The following TMEFF2 variants were observed in gnomAD, a reference collection of about 807,000 sequenced individuals.
TMEFF2 encodes transmembrane protein with EGF like and two follistatin like domains 2, also known as tomoregulin-2.
In TMEFF2, 28 loss-of-function variants were observed where a neutral mutation model predicts 53.8. The ratio of observed to expected loss-of-function variants is 0.52; its 90% CI spans 0.39 to 0.71. The LOEUF (loss-of-function observed/expected upper bound fraction) is 0.71. TMEFF2 is among the 30% of genes least tolerant of loss of function. The pLI is 0.00. For missense variants in TMEFF2, 353 were observed against 455.2 expected, an observed-to-expected ratio of 0.78 and a Z score of 2.04; for synonymous variants, 162 against 166.3, an observed-to-expected ratio of 0.97 and a Z score of 0.20.
In TMEFF2 at chr2:192,150,880, A is replaced by T. The variant is rs1317551496; in HGVS notation, c.439+28788T>A. Among the ~76,000 whole-genome samples, 6 of 151,876 alleles carry T rather than the reference A, an allele frequency of 4.0e-5. No individual in the cohort carries two copies. In the East Asian group the frequency reaches 9.7e-4, roughly 25 times the overall value. On this transcript the variant is annotated intron_variant, in intron 4 of 9. Coordinates refer to ENST00000272771, the MANE Select transcript of TMEFF2 (RefSeq NM_016192.4). The stretch of plus-strand genomic sequence containing the variant: ...GGAGATGAGGTGGGTCACACATTTC[A>T]TATGAGTTTTTCTCCCTTAGAAAGG...
intron 4 of TMEFF2, among the ~76,000 whole-genome samples, chr2:192,125,799 C>T (rs1689662287): frequency 6.6e-6 from 1 of 152,116 alleles, no homozygotes; most frequent in African/African-American, 2.4e-5. Context: ...TACATGTTCT[C>T]AATTATAAGT....
Position 192,194,640 on chromosome 2 carries a change from T to A in TMEFF2, c.-116A>T. ...ACGGCGGCAGCAGAGGCGGCGGCGG[T>A]GGCAGTGGCACCCGGCGGGGAAGCA... On this transcript the variant is annotated 5_prime_UTR_variant, in exon 1 of 10. Transcript: ENST00000272771. This position sits in a 1 kb window ranked among gnomAD's most constrained non-coding sequence, Gnocchi z 4.2. 8.4e-7 allele frequency: 1 copy of A among 1,186,144 alleles called. No individual in the cohort carries two copies. The highest frequency in any genetic ancestry group is 1.2e-6 in the Non-Finnish European group (1 of 839,204). 73.5% of individuals were successfully genotyped at this position (1,186,144 alleles called of 1,614,324 possible).
chr2:192,018,074 A>G (rs992012531), intron 5 of TMEFF2, among the ~76,000 whole-genome samples: 2 of 152,184 alleles, frequency 1.3e-5, no homozygotes, highest in African/African-American at 2.4e-5. Flanking sequence ...ATGGAGTCAC[A>G]GCAAGAGATT....
At chr2:192,031,380 G>A (rs953240108) in intron 5 of TMEFF2, 6 of 152,142 alleles carry the variant, frequency 3.9e-5, no homozygotes, top group Admixed American at 2.6e-4. Flanking sequence ...GTCAGTGAAT[G>A]TGTTATATAA....
At chr2:192,076,420 T>G (rs1257970297) in intron 4 of TMEFF2, among the ~76,000 whole-genome samples, 1 of 152,096 alleles carries the variant, frequency 6.6e-6, no homozygotes, top group Non-Finnish European at 1.5e-5. Flanking sequence ...TAGAATGCCA[T>G]GAGAGAATCG....
At chr2:191,980,844 C>A (rs376901354) in intron 7 of TMEFF2, among the ~76,000 whole-genome samples, 71 of 152,246 alleles carry the variant, frequency 4.7e-4, no homozygotes, top group African/African-American at 1.7e-3. Flanking sequence ...TCTAGGCAGC[C>A]AGATGAACCA....
rs202034863 is a variant in TMEFF2 at position 192,166,339 on chromosome 2, CT to C, written c.439+13328del. Among the ~76,000 whole-genome samples, 868 of 152,230 alleles carry C rather than the reference CT, an allele frequency of 5.7e-3. 8 individuals carry two copies. The highest frequency in any genetic ancestry group is 0.019 in the African/African-American group (807 of 41,554). Reference sequence around the variant, plus strand: ...GCCATACCATGGCAGCCTCAAAACTCTTTATGACTTTCTTCTTTGAAATGTA... The same window carrying C: ...GCCATACCATGGCAGCCTCAAAACTCTTATGACTTTCTTCTTTGAAATGTA... On this transcript the variant is annotated intron_variant, in intron 4 of 9. Coordinates refer to ENST00000272771, the MANE Select transcript of TMEFF2 (RefSeq NM_016192.4).
At position 192,141,884 on chromosome 2, in the gene TMEFF2, CTT is replaced by C. The variant is rs531622397; in HGVS notation, c.439+37782_439+37783del. 5.3e-5 allele frequency among the ~76,000 whole-genome samples: 8 copies of C among 152,230 alleles called. No individual in the cohort carries two copies. The East Asian group carries it at 1.5e-3, about 29-fold the overall frequency. ...TATTCCAGGGCACTAGGTTGAGGCT[CTT>C]TACAAATAACATCTCCTTCAATCCT... On this transcript the variant is annotated intron_variant, in intron 4 of 9. Coordinates refer to ENST00000272771, the MANE Select transcript of TMEFF2 (RefSeq NM_016192.4).
intron 2 of TMEFF2, 139 bp downstream of exon 2, chr2:192,191,741 C>T: frequency 3.4e-6 from 2 of 593,564 alleles, no homozygotes; most frequent in East Asian, 5.7e-5. Flanking sequence ...AGTTGGCTCT[C>T]TTGCTAGTAC....
intron 4 of TMEFF2, among the ~76,000 whole-genome samples, chr2:192,078,221 C>G (rs1230690890): frequency 1.3e-5 from 2 of 152,142 alleles, no homozygotes; most frequent in Non-Finnish European, 2.9e-5. Context: ...CAGTAAAACT[C>G]TGAGCCTTAG....
intron 1 of TMEFF2, among the ~76,000 whole-genome samples, chr2:192,193,330 C>T (rs1342429136): frequency 6.6e-6 from 1 of 152,244 alleles, no homozygotes; most frequent in African/African-American, 2.4e-5. Context: ...CACCACAATT[C>T]TGCCCAGTAT....
At chr2:192,019,446 C>A (rs1342188959) in intron 5 of TMEFF2, among the ~76,000 whole-genome samples, 2 of 151,964 alleles carry the variant, frequency 1.3e-5, no homozygotes, top group African/African-American at 4.8e-5. Flanking sequence ...AATAAAGCCA[C>A]ATTGCATACC....
intron 5 of TMEFF2, among the ~76,000 whole-genome samples, chr2:192,021,194 A>G (rs1040333318): frequency 1.3e-5 from 2 of 152,098 alleles, no homozygotes; most frequent in South Asian, 2.1e-4. Context: ...TACTTACTCA[A>G]TTTTCTTTGA....
intron 7 of TMEFF2, among the ~76,000 whole-genome samples, chr2:191,974,616 A>G (rs1158152134): frequency 1.3e-5 from 2 of 152,140 alleles, no homozygotes; most frequent in Non-Finnish European, 2.9e-5. Context: ...TTTACTATGT[A>G]TATATTTTGG....
chr2:192,074,354 G>T (rs558757840), intron 4 of TMEFF2, among the ~76,000 whole-genome samples: 1 of 151,960 alleles, frequency 6.6e-6, no homozygotes, highest in African/African-American at 2.4e-5. Context: ...AGTGAGTTTG[G>T]TCTCTAAATT....
intron 4 of TMEFF2, among the ~76,000 whole-genome samples, chr2:192,122,447 G>T (rs541860030): frequency 1.3e-5 from 2 of 152,170 alleles, no homozygotes; most frequent in African/African-American, 4.8e-5. Context: ...CAGGTGATAA[G>T]TTATGCAGTT....
chr2:192,118,713 C>T (rs967495113), intron 4 of TMEFF2, among the ~76,000 whole-genome samples: 1 of 152,140 alleles, frequency 6.6e-6, no homozygotes, highest in Non-Finnish European at 1.5e-5. Context: ...TTTCTTTGTA[C>T]AGCAGATGTA....
intron 2 of TMEFF2, among the ~76,000 whole-genome samples, chr2:192,189,481 G>A (rs1313664597): frequency 7.1e-6 from 1 of 140,814 alleles, no homozygotes; most frequent in East Asian, 2.1e-4. Context: ...GGAGGTGGAG[G>A]TTGCAGTGAG....
At chr2:192,064,037 G>C (rs932879189) in intron 4 of TMEFF2, among the ~76,000 whole-genome samples, 1 of 151,542 alleles carries the variant, frequency 6.6e-6, no homozygotes, top group Non-Finnish European at 1.5e-5. Flanking sequence ...TTCAATTATT[G>C]ACATGTTTAG....
Sources: allele counts gnomAD v4.1 joint callset (sites outside exome capture counted in the v4.1 genomes callset), GRCh38; gene constraint gnomAD v4.1.1; non-coding constraint Gnocchi (gnomAD v3.1); transcripts MANE v1.5; gene names NCBI Gene and HGNC (gene_info 2026-07-23, HGNC 2026-07-21).